Variants in MCCC2 observed in about 807,000 individuals in gnomAD.
MCCC2 encodes methylcrotonoyl-CoA carboxylase beta chain, mitochondrial.
MCCC2 carries 52 observed loss-of-function variants against 77.2 expected under a neutral mutation model. That is an observed-to-expected ratio of 0.67 (90% confidence interval 0.54 to 0.85). MCCC2 has a LOEUF of 0.85. Among genes scored for constraint, MCCC2 ranks in the 40% least tolerant of loss-of-function variants. The pLI is 0.00. For missense variants in MCCC2, 682 were observed against 703.2 expected, an observed-to-expected ratio of 0.97 and a Z score of 0.34; for synonymous variants, 253 against 248.4, an observed-to-expected ratio of 1.02 and a Z score of -0.18.
At chr5:71,633,057 G>C (rs1184412676) in intron 8 of MCCC2, among the ~76,000 whole-genome samples, 1 of 138,706 alleles carries the variant, frequency 7.2e-6, no homozygotes, top group East Asian at 2.1e-4. Context: ...GAGTAATTGG[G>C]AAACAATTGA....
rs370771947 is a variant in MCCC2, at chr5:71,641,762, GTAGT to G, written c.1072+692_1072+695del. On this transcript the variant is annotated intron_variant, in intron 11 of 16. Coordinates refer to ENST00000340941, the MANE Select transcript of MCCC2 (RefSeq NM_022132.5). ...TGTTCATAAAAAACTTGAAAATATA[GTAGT>G]TAGTCAAAGGTAATACCAGAGTAGG... 2.4e-3 allele frequency among the ~76,000 whole-genome samples: 369 copies of G among 152,250 alleles called. 3 individuals are homozygous for G. Among genetic ancestry groups the G allele is most frequent in the African/African-American group, 8.4e-3 (351 of 41,544 alleles).
intron 10 of MCCC2, among the ~76,000 whole-genome samples, chr5:71,637,637 A>C (rs1243408733): frequency 6.6e-6 from 1 of 152,186 alleles, no homozygotes; most frequent in Non-Finnish European, 1.5e-5. Flanking sequence ...ACAACAATGA[A>C]GTCTGCCACA....
At position 71,599,325 on chromosome 5, in the gene MCCC2, G is replaced by A. The variant is rs111621658; in HGVS notation, c.282-334G>A. Among the ~76,000 whole-genome samples the A allele has an allele frequency of 0.31, 46,792 of 151,824 alleles. 8,143 individuals carry two copies. Among genetic ancestry groups the A allele is most frequent in the East Asian group, 0.52 (2,610 of 5,056 alleles). On this transcript the variant is annotated intron_variant, in intron 3 of 16. Coordinates refer to ENST00000340941, the MANE Select transcript of MCCC2 (RefSeq NM_022132.5). ...GTGGAGGTTGCAGTGAGCTGAGATCGCGCCACTGCACTCCAGCCTGGGTGA... is the reference window on the plus strand; with the variant it reads ...GTGGAGGTTGCAGTGAGCTGAGATCACGCCACTGCACTCCAGCCTGGGTGA...
chr5:71,591,434 G>GTT (rs67936266), intron 1 of MCCC2, among the ~76,000 whole-genome samples: 13 of 95,202 alleles, frequency 1.4e-4, no homozygotes, highest in African/African-American at 4.3e-4. Flanking sequence ...GTTTTGTTCT[G>GTT]TTTTTTTTTT....
rs1218017213 is a variant in MCCC2, at chr5:71,599,791, G to C, written c.383+31G>C. ...TATTCTACTTGTGCTTCATAATGTG[G>C]GTTGAGAAGAAGACTTTGATGAGGC... On this transcript the variant is annotated intron_variant, in intron 4 of 16. Coordinates refer to ENST00000340941, the MANE Select transcript of MCCC2 (RefSeq NM_022132.5). 3 of 1,572,534 alleles carry C rather than the reference G, an allele frequency of 1.9e-6. No homozygotes were observed. The African/African-American group carries it at 4.1e-5, about 21-fold the overall frequency.
At chr5:71,652,642 A>T in intron 15 of MCCC2, 27 bp from the exon 16 acceptor site, 1 of 1,593,698 alleles carries the variant, frequency 6.3e-7, no homozygotes. Flanking sequence ...ACTGAAGCTG[A>T]CTTACTCATG....
chr5:71,626,013 G>A lies in MCCC2; in HGVS notation c.625-627G>A, dbSNP rs571901939. On this transcript the variant is annotated intron_variant, in intron 6 of 16. Coordinates refer to ENST00000340941, the MANE Select transcript of MCCC2 (RefSeq NM_022132.5). ...TATTCTTTGTACCATCCTAATTTCT[G>A]AGCAAGATTTTTTTAAAGCTTTTTA... Among the ~76,000 whole-genome samples the A allele has an allele frequency of 2.0e-5, 3 of 152,172 alleles. No individual in the cohort carries two copies. In the South Asian group the frequency reaches 6.2e-4, roughly 32 times the overall value.
chr5:71,635,836 T>G (rs1746908465), intron 10 of MCCC2: 2 of 165,894 alleles, frequency 1.2e-5, no homozygotes, highest in Admixed American at 5.9e-5. Context: ...TAATATCAAA[T>G]TCTGTACTGG....
In MCCC2 at chr5:71,643,940, A is replaced by T. The variant is rs370361953; in HGVS notation, c.1149+45A>T. ...TTTCAAGATTTTCTGTTTTAATTTA[A>T]CATAACGTTGAAGGTCAAATAATGA... On this transcript the variant is annotated intron_variant, in intron 12 of 16. Coordinates refer to ENST00000340941, the MANE Select transcript of MCCC2 (RefSeq NM_022132.5). 12 of 1,611,296 alleles carry T rather than the reference A, an allele frequency of 7.4e-6. No individual in the cohort carries two copies. In the African/African-American group the frequency reaches 1.6e-4, roughly 22 times the overall value.
chr5:71,587,658 TTGATTCTG>T, intron 1 of MCCC2, 104 bp downstream of exon 1: 1 of 1,434,172 alleles, frequency 7.0e-7, no homozygotes, highest in African/African-American at 1.4e-5. Context: ...GGAGCCCCAG[TTGATTCTG>T]TGACGCACGT....
At chr5:71,646,647 T>C (rs1368774966) in intron 13 of MCCC2, among the ~76,000 whole-genome samples, 1 of 152,126 alleles carries the variant, frequency 6.6e-6, no homozygotes, top group African/African-American at 2.4e-5. Flanking sequence ...ACTACAGACA[T>C]GAGCCACGAG....
chr5:71,598,481 C>T (rs551124859), intron 3 of MCCC2, among the ~76,000 whole-genome samples: 5 of 151,996 alleles, frequency 3.3e-5, no homozygotes, highest in African/African-American at 1.2e-4. Flanking sequence ...GCCCTGTTGC[C>T]CAGGCTGGGG....
chr5:71,633,091 TTATATATATATATATATATA>T (rs137979624), intron 8 of MCCC2, among the ~76,000 whole-genome samples: 43,165 of 84,460 alleles, frequency 0.51, 11,298 homozygotes, highest in South Asian at 0.63. Context: ...TTTTTCAGTT[TTATATATATATATATATATA>T]TATATATATA....
At chr5:71,623,582 A>C (rs1746432140) in intron 6 of MCCC2, among the ~76,000 whole-genome samples, 1 of 152,234 alleles carries the variant, frequency 6.6e-6, no homozygotes, top group African/African-American at 2.4e-5. Context: ...ACAGTTTCTC[A>C]TGGCCTGACC....
In MCCC2 at chr5:71,626,500, C is replaced by T. The variant is rs1300114677; in HGVS notation, c.625-140C>T. On this transcript the variant is annotated intron_variant, in intron 6 of 16. Transcript: ENST00000340941. ...AAAACTATTTCAAACATTTAGAGGA[C>T]TTTGTTTTTAAAATGATGTTCAGGG... The T allele has an allele frequency of 4.4e-6, 3 of 684,524 alleles. No homozygotes were observed. The East Asian group carries it at 8.2e-5, about 19-fold the overall frequency. The allele number at this position is 684,524 out of a possible 1,614,324, so 42.4% of individuals were successfully genotyped here. A position where few individuals can be genotyped will look rare whatever the true frequency, so the allele number is the denominator to read the frequency against.
At chr5:71,626,821 AT>A (rs1746544204) in intron 7 of MCCC2, 68 bp downstream of exon 7, 1 of 1,371,246 alleles carries the variant, frequency 7.3e-7, no homozygotes, top group Non-Finnish European at 1.0e-6. Context: ...CATTTAAACT[AT>A]TTTTTGATGT....
At chr5:71,641,209 A>G (rs907397194) in intron 11 of MCCC2, 134 bp downstream of exon 11, 23 of 758,276 alleles carry the variant, frequency 3.0e-5, no homozygotes, top group Non-Finnish European at 5.3e-5. Flanking sequence ...AGCCACTTTT[A>G]AAAGGAACTG....
In MCCC2 at chr5:71,593,120, C is replaced by T. The variant is rs186970036; in HGVS notation, c.196+128C>T. The T allele has an allele frequency of 7.6e-4, 590 of 778,830 alleles. 2 individuals carry two copies. In the African/African-American group the frequency reaches 9.4e-3, roughly 12 times the overall value. The allele number at this position is 778,830 out of a possible 1,614,324, so 48.2% of individuals were successfully genotyped here. A position where few individuals can be genotyped will look rare whatever the true frequency, so the allele number is the denominator to read the frequency against. On this transcript the variant is annotated intron_variant, in intron 2 of 16. Coordinates refer to ENST00000340941, the MANE Select transcript of MCCC2 (RefSeq NM_022132.5). Reference sequence around the variant, plus strand: ...TTTTTTTTTTTGAGATGGAGTCTTGCTCTCTTGCCCAGGCTGGAGTGCAGT... The same window carrying T: ...TTTTTTTTTTTGAGATGGAGTCTTGTTCTCTTGCCCAGGCTGGAGTGCAGT...
At chr5:71,629,536 AT>A (rs1746642490) in intron 7 of MCCC2, among the ~76,000 whole-genome samples, 1 of 152,186 alleles carries the variant, frequency 6.6e-6, no homozygotes, top group Non-Finnish European at 1.5e-5. Flanking sequence ...TTGTCCAAGA[AT>A]CATCTTTGGT....
Sources: allele counts gnomAD v4.1 joint callset (sites outside exome capture counted in the v4.1 genomes callset), GRCh38; gene constraint gnomAD v4.1.1; transcripts MANE v1.5; gene names NCBI Gene and HGNC (gene_info 2026-07-23, HGNC 2026-07-21).